The following URB2 variants were observed in gnomAD, a reference collection of about 807,000 sequenced individuals.
URB2 encodes the protein URB2 ribosome biogenesis homolog.
A neutral mutation model predicts 120.9 loss-of-function variants in URB2; 86 were observed. That is an observed-to-expected ratio of 0.71 (90% CI 0.60 to 0.85). The LOEUF is 0.85. Ranked by LOEUF, URB2 falls within the 40% of genes least tolerant of loss-of-function variation. The pLI, the probability that URB2 is intolerant of heterozygous loss-of-function variation, is 0.00. For synonymous variants in URB2, 755 were observed against 758.4 expected, an observed-to-expected ratio of 1.00 and a Z score of 0.07; for missense variants, 1,765 against 1,836.5, an observed-to-expected ratio of 0.96 and a Z score of 0.71.
intron 7 of URB2, 74 bp downstream of exon 7, chr1:229,647,826 C>A: frequency 6.5e-7 from 1 of 1,537,090 alleles, no homozygotes; most frequent in South Asian, 1.2e-5. Flanking sequence ...AGAAAAGTGG[C>A]AGCAAAACTT....
Position 229,643,834 on chromosome 1 carries a change from G to T in URB2, c.3795+141G>T. On this transcript the variant is annotated intron_variant, in intron 5 of 9. Transcript: ENST00000258243. The stretch of plus-strand genomic sequence containing the variant: ...GACTCTAGGCAAAGGGGGAGGCTGT[G>T]AGAGGGAGCCCTGGCCTGTGGGACA... 5.9e-6 allele frequency: 7 copies of T among 1,180,794 alleles called. No individual in the cohort carries two copies. The Middle Eastern group carries it at 8.9e-4, about 150-fold the overall frequency. The allele number at this position is 1,180,794 out of a possible 1,614,324, so 73.1% of individuals were successfully genotyped here.
In URB2 at chr1:229,636,427, CTG is replaced by C. The variant is rs1169503462; in HGVS notation, c.1817_1818del (p.Val606AlafsTer19). On this transcript the variant is annotated frameshift_variant, in exon 4 of 10. Transcript: ENST00000258243. LOFTEE classifies it high-confidence loss of function. Reference sequence around the variant, plus strand: ...CTGTGGCTGCAGAAGGTCAGTGACTCTGTGCTCCTGCTCTCTTACACTTGGGC... The same window carrying C: ...CTGTGGCTGCAGAAGGTCAGTGACTCTGCTCCTGCTCTCTTACACTTGGGC... 2 of 1,614,124 alleles carry C rather than the reference CTG, an allele frequency of 1.2e-6. No individual in the cohort carries two copies. Among genetic ancestry groups the C allele is most frequent in the Non-Finnish European group, 8.5e-7 (1 of 1,180,046 alleles).
chr1:229,638,134 C>T lies in URB2; in HGVS notation c.3521C>T (p.Ser1174Phe). Residue 1174 changes from serine to phenylalanine, a missense_variant, in exon 4 of 10, where the codon TCT (serine) becomes TTT (phenylalanine). Coordinates refer to ENST00000258243, the MANE Select transcript of URB2 (RefSeq NM_014777.4). ...CCAGCTCTCGCGGGACATGATCAGT[C>T]TTTTCAGGCAGCCTTGCAGTTTTTG... is the stretch of plus-strand genomic sequence containing the variant. Reference protein sequence around the residue: ...ELPALAGHDQSFQAALQFLTL... With the variant: ...ELPALAGHDQFFQAALQFLTL... 1 of 1,614,236 alleles carries T rather than the reference C, an allele frequency of 6.2e-7. No homozygotes were observed. Among genetic ancestry groups the T allele is most frequent in the Non-Finnish European group, 8.5e-7 (1 of 1,180,050 alleles).
At chr1:229,655,265 G>A (rs1322975994) in intron 9 of URB2, among the ~76,000 whole-genome samples, 2 of 152,122 alleles carry the variant, frequency 1.3e-5, no homozygotes, top group Non-Finnish European at 2.9e-5. Flanking sequence ...ATGGAGTTTT[G>A]CTCTTTCTCC....
rs760379000 is a variant in URB2, at chr1:229,636,717, T to C, written c.2104T>C (p.Cys702Arg). ...TGAAGGAGCCATCCAAAGTTTGAGG[T>C]GCGATGCTGCCTTTATTATTGGTTC... ...RSEGAIQSLR[C>R]DAAFIIGSGR... is the part of the protein sequence containing the mutation. The change falls in exon 4 of 10, where the codon TGC (cysteine) becomes CGC (arginine). Residue 702 changes from cysteine to arginine, a missense_variant. By Grantham distance (180) the Cys-to-Arg change is radical (BLOSUM62 -3). Coordinates refer to ENST00000258243, the MANE Select transcript of URB2 (RefSeq NM_014777.4). 1 of 1,613,364 alleles carries C rather than the reference T, an allele frequency of 6.2e-7. No individual in the cohort carries two copies. The highest frequency in any genetic ancestry group is 2.2e-5 in the East Asian group (1 of 44,886).
At chr1:229,644,249 G>A (rs1666084384) in intron 5 of URB2, among the ~76,000 whole-genome samples, 1 of 152,238 alleles carries the variant, frequency 6.6e-6, no homozygotes, top group African/African-American at 2.4e-5. Flanking sequence ...AAGGAAGAAG[G>A]CCACAGGCCA....
rs760459899 is a variant in URB2 at position 229,637,678 on chromosome 1, A to G, written c.3065A>G (p.Asn1022Ser). 24 of 1,614,234 alleles carry G rather than the reference A, an allele frequency of 1.5e-5. No homozygotes were observed. The East Asian group carries it at 4.9e-4, about 33-fold the overall frequency. Residue 1022 changes from asparagine (N) to serine (S), a missense_variant, in exon 4 of 10, where the codon AAT (asparagine) becomes AGT (serine). Physicochemically the swap from Asn to Ser is conservative, Grantham distance 46 (BLOSUM62 1). Transcript: ENST00000258243. ...LIQMKLSLVL[N>S]FRKITAFLSS... Reference sequence around the variant, plus strand: ...CAAATGAAGCTGAGCTTGGTGCTCAATTTTAGAAAAATCACCGCATTCCTC... The same window carrying G: ...CAAATGAAGCTGAGCTTGGTGCTCAGTTTTAGAAAAATCACCGCATTCCTC...
intron 9 of URB2, among the ~76,000 whole-genome samples, chr1:229,655,143 G>T (rs566890227): frequency 6.6e-6 from 1 of 152,370 alleles, no homozygotes; most frequent in African/African-American, 2.4e-5. Flanking sequence ...GATACAGGTA[G>T]TTGTTAAAAT....
intron 2 of URB2, among the ~76,000 whole-genome samples, chr1:229,629,266 G>T (rs1665604473): frequency 6.6e-6 from 1 of 152,190 alleles, no homozygotes; most frequent in Non-Finnish European, 1.5e-5. Flanking sequence ...AGTATTAGAG[G>T]TTAAGCTGTA....
rs57940336 is a variant in URB2, at chr1:229,630,982, CAAAAAAAAAA to C, written c.127-1273_127-1264del. 5.5e-4 allele frequency among the ~76,000 whole-genome samples: 36 copies of C among 65,106 alleles called. 1 individual carries two copies. In the East Asian group the frequency reaches 9.6e-3, roughly 17 times the overall value. 42.7% of individuals were successfully genotyped at this position (65,106 alleles called of 152,430 possible). ...GGGTGACAAGAGCGAAACTCCGTCT[CAAAAAAAAAA>C]AAAAAAAAAAAAAGAAAGTCCTGAA... On this transcript the variant is annotated intron_variant, in intron 2 of 9. Transcript: ENST00000258243.
rs1312636343 is a variant in URB2 at position 229,637,956 on chromosome 1, G to C, written c.3343G>C (p.Val1115Leu). ...PGARGWRLPS[V>L]LISSVSTLLE... Reference sequence around the variant, plus strand: ...GGCCCGGGGCTGGCGCCTTCCCTCGGTCCTCATCTCATCCGTCAGCACGCT... The same window carrying C: ...GGCCCGGGGCTGGCGCCTTCCCTCGCTCCTCATCTCATCCGTCAGCACGCT... Residue 1115 changes from valine to leucine, a missense_variant, in exon 4 of 10, where the codon GTC (valine) becomes CTC (leucine). By Grantham distance (32) the Val-to-Leu change is conservative. Coordinates refer to ENST00000258243, the MANE Select transcript of URB2 (RefSeq NM_014777.4). The C allele has an allele frequency of 6.2e-7, 1 of 1,613,612 alleles. No homozygotes were observed. The highest frequency in any genetic ancestry group is 1.7e-5 in the Admixed American group (1 of 59,980).
chr1:229,645,533 C>G (rs1666119574), intron 5 of URB2, among the ~76,000 whole-genome samples: 1 of 152,138 alleles, frequency 6.6e-6, no homozygotes, highest in South Asian at 2.1e-4. Flanking sequence ...AAGACGGGCT[C>G]TCTGTAATTA....
Position 229,654,290 on chromosome 1 carries a change from CT to C in URB2, c.4280del (p.Leu1427ArgfsTer34). 2 of 1,614,148 alleles carry C rather than the reference CT, an allele frequency of 1.2e-6. No individual in the cohort carries two copies. Among genetic ancestry groups the C allele is most frequent in the Non-Finnish European group, 1.7e-6 (2 of 1,180,032 alleles). ...GCCTACGGTCCTAAAGTGTGCACGC[CT>C]GGTTGAAAGAATGTACAGCCACATC... ...DLPTVLKCAR[L>X]VERMYSHIAA... On this transcript the variant is annotated frameshift_variant, in exon 9 of 10. Transcript: ENST00000258243. LOFTEE classifies it high-confidence loss of function.
chr1:229,644,152 G>A (rs1319151533), intron 5 of URB2, among the ~76,000 whole-genome samples: 1 of 152,230 alleles, frequency 6.6e-6, no homozygotes, highest in African/African-American at 2.4e-5. Context: ...TGTTGCATTT[G>A]CTGAGTGCCT....
At position 229,638,256 on chromosome 1, in the gene URB2, T is replaced by C. The variant is rs1283165333; in HGVS notation, c.3634+9T>C. 1.3e-6 allele frequency: 2 copies of C among 1,579,294 alleles called. No individual in the cohort carries two copies. The highest frequency in any genetic ancestry group is 2.3e-5 in the South Asian group (2 of 85,666). On this transcript the variant is annotated intron_variant, in intron 4 of 9. Transcript: ENST00000258243. ...GAGAAGAGTTCTTGCAGGTAAGATA[T>C]TTTCTCTTGAGCTAATTCTGTGTTA...
At chr1:229,649,612 G>A (rs1393759839) in intron 7 of URB2, among the ~76,000 whole-genome samples, 3 of 152,212 alleles carry the variant, frequency 2.0e-5, no homozygotes, top group African/African-American at 7.2e-5. Context: ...TTGGGGTTGT[G>A]TAGGGAATCT....
At chr1:229,633,618 A>G (rs1426603120) in intron 3 of URB2, among the ~76,000 whole-genome samples, 1 of 152,212 alleles carries the variant, frequency 6.6e-6, no homozygotes, top group East Asian at 1.9e-4. Flanking sequence ...AATAGAAATT[A>G]TAATACCTAT....
chr1:229,643,741 G>A (rs1235350071), intron 5 of URB2, 48 bp downstream of exon 5: 8 of 1,584,258 alleles, frequency 5.0e-6, no homozygotes, highest in Non-Finnish European at 6.9e-6. Flanking sequence ...AACCACGTCG[G>A]CTCAAATGGG....
intron 4 of URB2, among the ~76,000 whole-genome samples, chr1:229,638,764 C>T (rs937374587): frequency 2.6e-5 from 4 of 152,206 alleles, no homozygotes; most frequent in African/African-American, 7.2e-5. Context: ...ACTGCTACAA[C>T]GGTTTCCTTG....
Sources: gnomAD v4.1 joint callset for allele counts (sites outside exome capture counted in the v4.1 genomes callset) on GRCh38, gnomAD v4.1.1 for gene constraint, MANE v1.5 for transcripts, NCBI Gene and HGNC (gene_info 2026-07-23, HGNC 2026-07-21) for gene names.